SMAP2: variants seen among roughly 807,000 people sequenced by gnomAD.
The protein encoded by SMAP2 is stromal membrane-associated protein 2.
SMAP2 carries 25 observed loss-of-function variants against 56.4 expected under a neutral mutation model. That is an observed-to-expected ratio of 0.44 (90% CI 0.32 to 0.62). The LOEUF is 0.62. Ranked by LOEUF, SMAP2 falls within the 20% of genes least tolerant of loss-of-function variation. The pLI, the probability that SMAP2 is intolerant of heterozygous loss-of-function variation, is 0.04. For synonymous variants in SMAP2, 157 were observed against 181.7 expected, an observed-to-expected ratio of 0.86 and a Z score of 1.09; for missense variants, 388 against 545.6, an observed-to-expected ratio of 0.71 and a Z score of 2.88.
At chr1:40,397,046 G>A (rs1465874206) in intron 1 of SMAP2, among the ~76,000 whole-genome samples, 1 of 152,130 alleles carries the variant, frequency 6.6e-6, no homozygotes, top group East Asian at 1.9e-4. Context: ...TTATATGTAT[G>A]TTGCATTTAA....
At position 40,374,526 on chromosome 1, in the gene SMAP2, G is replaced by C; in HGVS notation, c.103+303G>C. 1.1e-6 allele frequency: 1 copy of C among 892,172 alleles called. No homozygotes were observed. The highest frequency in any genetic ancestry group is 1.8e-6 in the Non-Finnish European group (1 of 562,788). The allele number at this position is 892,172 out of a possible 1,614,324, so 55.3% of individuals were successfully genotyped here. A position where few individuals can be genotyped will look rare whatever the true frequency, so the allele number is the denominator to read the frequency against. On this transcript the variant is annotated intron_variant, in intron 1 of 9. Transcript: ENST00000372718. The surrounding 1 kb of genome is among the most constrained non-coding windows in gnomAD (Gnocchi z 5.9). ...GCTCTGAATGAGTTCTGGGCCGGCT[G>C]TCCAGAGAGAGCTCCCAGCATGTCA...
intron 9 of SMAP2, among the ~76,000 whole-genome samples, chr1:40,417,899 A>C (rs1645005251): frequency 6.6e-6 from 1 of 152,220 alleles, no homozygotes; most frequent in Non-Finnish European, 1.5e-5. Context: ...AAGCCTCCCC[A>C]AACCTTCACA....
At chr1:40,369,552 A>T (rs1175225452), upstream of SMAP2, among the ~76,000 whole-genome samples, 1 of 149,872 alleles carries the variant, frequency 6.7e-6, no homozygotes, top group South Asian at 2.1e-4. Context: ...ATAACGCCGC[A>T]TACCTACAAC....
intron 1 of SMAP2, among the ~76,000 whole-genome samples, chr1:40,348,260 G>A (rs4660403): frequency 0.85 from 129,913 of 152,198 alleles, 55,933 homozygotes; most frequent in African/African-American, 0.96. Flanking sequence ...ATTCTAAGGC[G>A]TTTGATATGT....
chr1:40,394,486 G>A (rs550235307), intron 1 of SMAP2, among the ~76,000 whole-genome samples: 27 of 152,132 alleles, frequency 1.8e-4, no homozygotes, highest in African/African-American at 6.0e-4. Flanking sequence ...AGCAACTGGG[G>A]GCTTCATTGG....
Position 40,374,624 on chromosome 1 carries a change from T to TGAGA in SMAP2, c.103+416_103+419dup, listed in dbSNP as rs370811801. On this transcript the variant is annotated intron_variant, in intron 1 of 9. Coordinates refer to ENST00000372718, the MANE Select transcript of SMAP2 (RefSeq NM_022733.3). The surrounding 1 kb of genome is among the most constrained non-coding windows in gnomAD (Gnocchi z 5.9). ...GTGTGTGTGTGTGTGTGTGTGTGTGTGAGAGAGAGAGAGAGAGAATGACGA... is the reference window on the plus strand; with the variant it reads ...GTGTGTGTGTGTGTGTGTGTGTGTGTGAGAGAGAGAGAGAGAGAGAGAATGACGA... The TGAGA allele has an allele frequency of 4.4e-3, 3,636 of 833,302 alleles. 49 individuals are homozygous for TGAGA. The highest frequency in any genetic ancestry group is 0.041 in the African/African-American group (2,134 of 52,302). The allele number at this position is 833,302 out of a possible 1,614,324, so 51.6% of individuals were successfully genotyped here. A position where few individuals can be genotyped will look rare whatever the true frequency, so the allele number is the denominator to read the frequency against.
intron 9 of SMAP2, among the ~76,000 whole-genome samples, chr1:40,419,104 A>G (rs1307445402): frequency 2.0e-5 from 3 of 152,200 alleles, no homozygotes; most frequent in Admixed American, 2.0e-4. Flanking sequence ...TGAATAATAA[A>G]TATTGTATGG....
At chr1:40,403,290 G>A (rs1224540999) in intron 1 of SMAP2, among the ~76,000 whole-genome samples, 1 of 152,198 alleles carries the variant, frequency 6.6e-6, no homozygotes, top group Non-Finnish European at 1.5e-5. Context: ...TACATCACCA[G>A]AGGTCTGGAG....
intron 1 of SMAP2, among the ~76,000 whole-genome samples, chr1:40,388,687 A>T (rs1487109576): frequency 6.6e-6 from 1 of 152,180 alleles, no homozygotes; most frequent in Non-Finnish European, 1.5e-5. Context: ...GCAGGATGTG[A>T]TTGGATGGGG....
intron 9 of SMAP2, among the ~76,000 whole-genome samples, chr1:40,417,782 C>T (rs915266560): frequency 6.6e-5 from 10 of 152,036 alleles, no homozygotes; most frequent in South Asian, 6.2e-4. Context: ...AAGAAAGACA[C>T]GAGAAATGGG....
intron 2 of SMAP2, among the ~76,000 whole-genome samples, chr1:40,364,382 G>A (rs550417947): frequency 1.5e-4 from 23 of 152,280 alleles, no homozygotes; most frequent in African/African-American, 4.3e-4. Flanking sequence ...TTGAGGCCAG[G>A]AGTTTGAGAC....
In SMAP2 at chr1:40,414,252, A is replaced by C; in HGVS notation, c.571+12A>C. 2 of 1,613,196 alleles carry C rather than the reference A, an allele frequency of 1.2e-6. No individual in the cohort carries two copies. The highest frequency in any genetic ancestry group is 1.7e-6 in the Non-Finnish European group (2 of 1,179,188). ...TTTGTTGGGCCTTGGTAAGAGTTGG[A>C]CTTTTCAGCTTCCATGTTCTTACAA... On this transcript the variant is annotated intron_variant, in intron 6 of 9. Transcript: ENST00000372718.
At chr1:40,414,346 C>A in intron 6 of SMAP2, 106 bp downstream of exon 6, 1 of 980,608 alleles carries the variant, frequency 1.0e-6, no homozygotes, top group Non-Finnish European at 1.6e-6. Context: ...GTCTTCATTG[C>A]CAAGACTGTT....
At chr1:40,421,846 T>C in intron 9 of SMAP2, 130 bp from the exon 10 acceptor site, 1 of 1,027,202 alleles carries the variant, frequency 9.7e-7, no homozygotes, top group Non-Finnish European at 1.4e-6. Flanking sequence ...CAGGGTTTAC[T>C]GTCCATAACA....
chr1:40,400,024 G>A (rs1468631173), intron 1 of SMAP2, among the ~76,000 whole-genome samples: 1 of 152,206 alleles, frequency 6.6e-6, no homozygotes, highest in Non-Finnish European at 1.5e-5. Flanking sequence ...GTTACAGTCG[G>A]GTTTAGACTG....
Position 40,420,641 on chromosome 1 carries a change from A to G in SMAP2, c.1165-1335A>G, listed in dbSNP as rs180956180. Among the ~76,000 whole-genome samples, 6 of 152,374 alleles carry G rather than the reference A, an allele frequency of 3.9e-5. No homozygotes were observed. In the East Asian group the frequency reaches 1.2e-3, roughly 29 times the overall value. On this transcript the variant is annotated intron_variant, in intron 9 of 9. Coordinates refer to ENST00000372718, the MANE Select transcript of SMAP2 (RefSeq NM_022733.3). ...CTACCTCAGCCAAGTGATCAAACAT[A>G]AAATTACTGACAGAGGAACAAAGTA...
chr1:40,410,153 G>A (rs2124350608), intron 4 of SMAP2, among the ~76,000 whole-genome samples: 1 of 152,208 alleles, frequency 6.6e-6, no homozygotes, highest in South Asian at 2.1e-4. Flanking sequence ...GGCTGAGGTC[G>A]GAGGATTACG....
rs113871184 is a variant in SMAP2, at chr1:40,386,753, C to A, written c.103+12530C>A. Among the ~76,000 whole-genome samples, 4 of 34,610 alleles carry A rather than the reference C, an allele frequency of 1.2e-4. No individual in the cohort carries two copies. Among genetic ancestry groups the A allele is most frequent in the African/African-American group, 2.5e-4 (1 of 4,058 alleles). The allele number at this position is 34,610 out of a possible 152,430, so 22.7% of individuals were successfully genotyped here. A position where few individuals can be genotyped will look rare whatever the true frequency, so the allele number is the denominator to read the frequency against. On this transcript the variant is annotated intron_variant, in intron 1 of 9. Coordinates refer to ENST00000372718, the MANE Select transcript of SMAP2 (RefSeq NM_022733.3). The surrounding 1 kb of genome is among the most constrained non-coding windows in gnomAD (Gnocchi z 4.1). The stretch of plus-strand genomic sequence containing the variant: ...CAGTAAATGCTGGTTTTTTTTAAAA[C>A]AACAACAACTTTATCTTTTATGATT...
At chr1:40,397,383 G>GT (rs1194929986) in intron 1 of SMAP2, among the ~76,000 whole-genome samples, 1 of 152,058 alleles carries the variant, frequency 6.6e-6, no homozygotes, top group Admixed American at 6.6e-5. Context: ...TGCTGCATTG[G>GT]TTTTTACACA....
Sources: allele counts gnomAD v4.1 joint callset (sites outside exome capture counted in the v4.1 genomes callset), GRCh38; gene constraint gnomAD v4.1.1; non-coding constraint Gnocchi (gnomAD v3.1); transcripts MANE v1.5; gene names NCBI Gene and HGNC (gene_info 2026-07-23, HGNC 2026-07-21).